The following DDX3X variants were observed in gnomAD, a reference collection of about 807,000 sequenced individuals.
The protein encoded by DDX3X is DEAD-box helicase 3 X-linked.
Under a neutral mutation model 52.7 loss-of-function variants are expected in DDX3X, and 4 were observed. The observed-to-expected ratio is 0.08, with a 90% CI of 0.04 to 0.17. The LOEUF is 0.17. Ranked by LOEUF, DDX3X falls within the 10% of genes least tolerant of loss-of-function variation. The probability of loss-of-function intolerance (pLI) is 1.00; values close to 1 mark genes in which losing one functional copy is unlikely to be tolerated. For synonymous variants in DDX3X, 192 were observed against 178.1 expected, an observed-to-expected ratio of 1.08 and a Z score of -0.62; for missense variants, 222 against 548.6, an observed-to-expected ratio of 0.40 and a Z score of 5.95.
At chrX:41,343,680 T>A in intron 7 of DDX3X, 57 bp from the exon 8 acceptor site, 3 of 1,021,624 alleles carry the variant, frequency 2.9e-6, no homozygotes, top group Non-Finnish European at 4.1e-6. Flanking sequence ...AACACTGTCA[T>A]CTACCAATGT....
At chrX:41,346,661 C>T in intron 14 of DDX3X, 39 bp downstream of exon 14, 1 of 1,068,705 alleles carries the variant, frequency 9.4e-7, no homozygotes, top group Non-Finnish European at 1.3e-6. Context: ...TTGTTTTTTG[C>T]TGTGATGTGT....
chrX:41,353,948 A>G (rs2063999088), downstream of DDX3X, among the ~76,000 whole-genome samples: 1 of 111,698 alleles, frequency 9.0e-6, no homozygotes, highest in Non-Finnish European at 1.9e-5. Context: ...GAAAATACAT[A>G]GAAGACCAGA....
intron 1 of DDX3X, 47 bp downstream of exon 1, chrX:41,334,344 C>T (rs747165833): frequency 1.7e-6 from 2 of 1,192,467 alleles, no homozygotes; most frequent in Admixed American, 4.5e-5. Flanking sequence ...TGAATTCCTC[C>T]CCTGACCTAA....
intron 5 of DDX3X, among the ~76,000 whole-genome samples, chrX:41,360,892 G>A (rs758860099): frequency 9.2e-6 from 1 of 108,221 alleles, no homozygotes; most frequent in Admixed American, 1.0e-4. Flanking sequence ...GGGGGGCACA[G>A]TTGGGGTATA....
In DDX3X at chrX:41,345,598, TGCCC is replaced by T. The variant is rs374105154; in HGVS notation, c.1315+51_1315+54del. On this transcript the variant is annotated intron_variant, in intron 12 of 16. Coordinates refer to ENST00000644876, the MANE Select transcript of DDX3X (RefSeq NM_001356.5). ...ATTAGACATGGGGGTTTCTCTTTGT[TGCCC>T]AGGCTGGAGTGCAGGGGTTATTCAC... 48 of 1,071,243 alleles carry T rather than the reference TGCCC, an allele frequency of 4.5e-5. 1 individual carries two copies. In the African/African-American group the frequency reaches 8.2e-4, roughly 18 times the overall value. 88.3% of individuals were successfully genotyped at this position (1,071,243 alleles called of 1,213,427 possible). A position where few individuals can be genotyped will look rare whatever the true frequency, so the allele number is the denominator to read the frequency against.
downstream of DDX3X, among the ~76,000 whole-genome samples, chrX:41,352,536 G>A (rs1176812533): frequency 9.0e-6 from 1 of 111,304 alleles, no homozygotes; most frequent in Non-Finnish European, 1.9e-5. Flanking sequence ...AGTGCAAGGC[G>A]AGGGTTGACT....
intron 3 of DDX3X, 117 bp downstream of exon 3, chrX:41,339,200 T>A: frequency 9.4e-6 from 3 of 318,863 alleles, no homozygotes. Flanking sequence ...TTTTCTATGC[T>A]TCTGTCAGCC....
chrX:41,345,124 T>C, intron 10 of DDX3X, 56 bp from the exon 11 acceptor site: 1 of 1,131,953 alleles, frequency 8.8e-7, no homozygotes. Context: ...ACTAAAACCA[T>C]GTTGATTTCT....
At chrX:41,340,570 T>C (rs1602125096) in intron 3 of DDX3X, 1 of 252,395 alleles carries the variant, frequency 4.0e-6, no homozygotes, top group East Asian at 5.7e-5. Flanking sequence ...TGGATATTTA[T>C]AGCTGTACCC....
chrX:41,341,390 T>C (rs2063847940), intron 3 of DDX3X, 94 bp from the exon 4 acceptor site: 3 of 735,279 alleles, frequency 4.1e-6, no homozygotes, highest in Non-Finnish European at 3.9e-6. Context: ...GGATAGTCAG[T>C]GGAGGCTTTC....
intron 12 of DDX3X, 165 bp downstream of exon 12, chrX:41,345,713 C>T (rs181725923): frequency 2.2e-5 from 10 of 446,112 alleles, no homozygotes; most frequent in Admixed American, 4.8e-5. Flanking sequence ...CTTAGGCAAC[C>T]TGGTGCTCCC....
At chrX:41,352,726 G>A (rs544801617), downstream of DDX3X, among the ~76,000 whole-genome samples, 2 of 111,587 alleles carry the variant, frequency 1.8e-5, no homozygotes, top group Admixed American at 1.9e-4. Context: ...TCTCCTAACA[G>A]GATCCTCCAC....
At chrX:41,363,807 A>G (rs2064038565) in intron 5 of DDX3X, among the ~76,000 whole-genome samples, 1 of 110,508 alleles carries the variant, frequency 9.0e-6, no homozygotes, top group Non-Finnish European at 1.9e-5. Context: ...CAAACAAACA[A>G]AAAACCAAAA....
intron 5 of DDX3X, among the ~76,000 whole-genome samples, chrX:41,361,441 G>A (rs757495077): frequency 1.8e-5 from 2 of 110,827 alleles, no homozygotes; most frequent in African/African-American, 3.3e-5. Flanking sequence ...GAACCCGGGA[G>A]GCGGAGGTTG....
At chrX:41,334,524 C>T (rs761012350) in intron 1 of DDX3X, 9 of 1,092,836 alleles carry the variant, frequency 8.2e-6, no homozygotes, top group Non-Finnish European at 9.5e-6. Context: ...AGCACAATGG[C>T]GGCTTTTGTG....
intron 5 of DDX3X, among the ~76,000 whole-genome samples, chrX:41,356,167 T>G (rs1467806838): frequency 1.0e-5 from 1 of 99,334 alleles, no homozygotes; most frequent in Non-Finnish European, 2.0e-5. Flanking sequence ...TGAGACAGTG[T>G]CTCACTCTGT....
chrX:41,363,095 T>C (rs1465386293), intron 5 of DDX3X, among the ~76,000 whole-genome samples: 1 of 112,402 alleles, frequency 8.9e-6, no homozygotes, highest in Non-Finnish European at 1.9e-5. Flanking sequence ...AGAAGAACCA[T>C]ACTTGCTGTA....
intron 5 of DDX3X, 24 bp downstream of exon 5, chrX:41,342,677 C>T (rs1569237157): frequency 3.3e-6 from 4 of 1,210,793 alleles, no homozygotes; most frequent in Admixed American, 2.2e-5. Context: ...GTGTATGTTA[C>T]TTGTGATGAA....
intron 5 of DDX3X, among the ~76,000 whole-genome samples, chrX:41,360,377 CAAA>C (rs1222630328): frequency 1.2e-5 from 1 of 80,482 alleles, no homozygotes. Flanking sequence ...AACTCTGTCT[CAAA>C]AAAAAAAAAA....
Sources: allele counts gnomAD v4.1 joint callset (sites outside exome capture counted in the v4.1 genomes callset), GRCh38; gene constraint gnomAD v4.1.1; transcripts MANE v1.5; gene names NCBI Gene and HGNC (gene_info 2026-07-23, HGNC 2026-07-21).